ECE1: variants seen among roughly 807,000 people sequenced by gnomAD.
The protein encoded by ECE1 is endothelin converting enzyme 1.
A neutral mutation model predicts 98.6 loss-of-function variants in ECE1; 35 were observed. That is an observed-to-expected ratio of 0.35 (90% CI 0.27 to 0.47). The LOEUF is 0.47. Among genes scored for constraint, ECE1 ranks in the 20% least tolerant of loss-of-function variants. ECE1 has a pLI of 1.00. For missense variants in ECE1, 814 were observed against 1,025.3 expected, an observed-to-expected ratio of 0.79 and a Z score of 2.81; for synonymous variants, 394 against 407.1, an observed-to-expected ratio of 0.97 and a Z score of 0.39.
intron 17 of ECE1, among the ~76,000 whole-genome samples, chr1:21,224,451 G>A (rs889824002): frequency 5.3e-5 from 8 of 152,076 alleles, no homozygotes; most frequent in African/African-American, 1.9e-4. Context: ...TCATTGACTC[G>A]TGGACTTTAA....
chr1:21,306,080 T>C (rs993801833), intron 1 of ECE1, among the ~76,000 whole-genome samples: 2 of 152,228 alleles, frequency 1.3e-5, no homozygotes, highest in Non-Finnish European at 2.9e-5. Context: ...GGGATGTCAA[T>C]GTCATTGTCT....
intron 12 of ECE1, among the ~76,000 whole-genome samples, chr1:21,236,476 C>A (rs1037174589): frequency 6.6e-6 from 1 of 152,220 alleles, no homozygotes; most frequent in Non-Finnish European, 1.5e-5. Flanking sequence ...ATGGAGAAAC[C>A]CCATCTCTAC....
Position 21,236,813 on chromosome 1 carries a change from G to A in ECE1, c.1421C>T (p.Ala474Val). The change falls in exon 12 of 19, where the codon GCA (alanine) becomes GTA (valine). Residue 474 changes from alanine to valine, a missense_variant. Coordinates refer to ENST00000374893, the MANE Select transcript of ECE1 (RefSeq NM_001397.3). Reference protein sequence around the residue: ...ATEIILEIKKAFEESLSTLKW... With the variant: ...ATEIILEIKKVFEESLSTLKW... ...CAGGGTGCTCAGGCTTTCCTCAAAT[G>A]CCTTCTTAATCTCCAGGATGATCTC... 1 of 1,613,686 alleles carries A rather than the reference G, an allele frequency of 6.2e-7. No individual in the cohort carries two copies. The highest frequency in any genetic ancestry group is 8.5e-7 in the Non-Finnish European group (1 of 1,179,976).
At chr1:21,283,023 C>A (rs1402276238) in intron 2 of ECE1, among the ~76,000 whole-genome samples, 2 of 147,804 alleles carry the variant, frequency 1.4e-5, no homozygotes, top group Non-Finnish European at 3.0e-5. Flanking sequence ...CTCATTGCAA[C>A]CTTGGCCTCC....
chr1:21,303,899 C>T (rs1558423994), intron 1 of ECE1, among the ~76,000 whole-genome samples: 1 of 151,926 alleles, frequency 6.6e-6, no homozygotes, highest in Non-Finnish European at 1.5e-5. Context: ...GATCTGCCTG[C>T]CTCGACCTCC....
intron 10 of ECE1, among the ~76,000 whole-genome samples, chr1:21,244,783 T>C (rs3026891): frequency 1.3e-5 from 2 of 152,082 alleles, no homozygotes; most frequent in Admixed American, 1.3e-4. Context: ...AAGGGGAGCA[T>C]CTATCATCAC....
At chr1:21,279,593 T>A (rs560990469) in intron 2 of ECE1, 15 of 1,435,916 alleles carry the variant, frequency 1.0e-5, no homozygotes, top group Non-Finnish European at 1.4e-5. Context: ...TGTCACTCGA[T>A]ATGAGTGGAA....
chr1:21,279,438 G>A (rs2098251799), intron 2 of ECE1, 106 bp from the exon 3 acceptor site: 1 of 1,586,988 alleles, frequency 6.3e-7, no homozygotes, highest in Non-Finnish European at 8.6e-7. Flanking sequence ...GAGGCATCAG[G>A]GCTGCCTCCT....
Position 21,257,541 on chromosome 1 carries a change from T to C in ECE1, c.812A>G (p.Lys271Arg). ...GLPSRDYYLN[K>R]TENEKVLTGY... ...CACGCTTACCTTCTCGTTTTCAGTT[T>C]TGTTCAGGTAATAGTCTCTCGAGGG... Residue 271 changes from lysine (K) to arginine (R), a missense_variant, in exon 7 of 19, where the codon AAA becomes AGA. By Grantham distance (26) the Lys-to-Arg change is conservative. Coordinates refer to ENST00000374893, the MANE Select transcript of ECE1 (RefSeq NM_001397.3). 6.2e-7 allele frequency: 1 copy of C among 1,614,198 alleles called. No individual in the cohort carries two copies. The highest frequency in any genetic ancestry group is 8.5e-7 in the Non-Finnish European group (1 of 1,180,026).
At chr1:21,245,222 G>T (rs2098201782) in intron 9 of ECE1, 119 bp from the exon 10 acceptor site, 7 of 807,870 alleles carry the variant, frequency 8.7e-6, no homozygotes, top group South Asian at 1.4e-5. Context: ...GCCCCTTCCA[G>T]CCTGCGGGGG....
Position 21,319,347 on chromosome 1 carries a change from AATAATAATAATC to A in ECE1, c.3+26017_3+26028del, listed in dbSNP as rs1342652747. 2.0e-5 allele frequency among the ~76,000 whole-genome samples: 3 copies of A among 149,646 alleles called. No homozygotes were observed. The highest frequency in any genetic ancestry group is 4.9e-5 in the African/African-American group (2 of 40,480). On this transcript the variant is annotated intron_variant, in intron 1 of 18. Transcript: ENST00000415912. The surrounding 1 kb of genome is among the most constrained non-coding windows in gnomAD (Gnocchi z 4.4). ...GAGACAGAGCGAGACTCCGTCTCAAAATAATAATAATCATAATCATAATCATAATCATAATCA... is the reference window on the plus strand; with the variant it reads ...GAGACAGAGCGAGACTCCGTCTCAAAATAATCATAATCATAATCATAATCA...
chr1:21,280,761 G>A (rs558859023), intron 2 of ECE1, among the ~76,000 whole-genome samples: 63 of 152,288 alleles, frequency 4.1e-4, no homozygotes, highest in African/African-American at 1.5e-3. Context: ...AAGTGGGTCA[G>A]TTGAGGGAAG....
chr1:21,306,170 A>G (rs1638592673), intron 1 of ECE1, among the ~76,000 whole-genome samples: 1 of 152,234 alleles, frequency 6.6e-6, no homozygotes, highest in Non-Finnish European at 1.5e-5. Flanking sequence ...GCTTCCCACC[A>G]GGAATACATT....
At chr1:21,252,846 C>A (rs558136776) in intron 8 of ECE1, among the ~76,000 whole-genome samples, 13 of 152,186 alleles carry the variant, frequency 8.5e-5, no homozygotes, top group Admixed American at 3.3e-4. Flanking sequence ...TGGGTGACAT[C>A]GCTAATAACA....
chr1:21,330,948 G>C (rs979225706), intron 1 of ECE1, among the ~76,000 whole-genome samples: 7 of 152,172 alleles, frequency 4.6e-5, no homozygotes, highest in Non-Finnish European at 1.0e-4. Context: ...TAAGGACTAC[G>C]ACCAGCTGGG....
chr1:21,290,577 G>C, upstream of ECE1: 2 of 1,196,676 alleles, frequency 1.7e-6, no homozygotes, highest in Non-Finnish European at 2.1e-6. The surrounding 1 kb of genome is among the most constrained non-coding windows in gnomAD (Gnocchi z 7.3). Context: ...AGGCCCGGGG[G>C]AGATGGGGAC....
chr1:21,223,953 A>G (rs7550617), intron 17 of ECE1, among the ~76,000 whole-genome samples: 1 of 152,024 alleles, frequency 6.6e-6, no homozygotes, highest in African/African-American at 2.4e-5. Flanking sequence ...TTAAAACCCT[A>G]TATTGTGTCT....
chr1:21,228,644 C>G lies in ECE1; in HGVS notation c.1671-603G>C, dbSNP rs2098177575. On this transcript the variant is annotated intron_variant, in intron 14 of 18. Transcript: ENST00000374893. The stretch of plus-strand genomic sequence containing the variant: ...CTACCAAAAATACAAAAAAAATTAG[C>G]CAGGCGTGGTGGCGCACACTTGTAA... 2.0e-5 allele frequency among the ~76,000 whole-genome samples: 3 copies of G among 151,772 alleles called. No individual in the cohort carries two copies. The South Asian group carries it at 6.2e-4, about 32-fold the overall frequency.
At chr1:21,255,918 G>A (rs1446281935) in intron 8 of ECE1, 29 bp downstream of exon 8, 2 of 1,612,458 alleles carry the variant, frequency 1.2e-6, no homozygotes, top group South Asian at 1.1e-5. Context: ...GGCCATCCCA[G>A]CCTCCCTAGC....
Sources: gnomAD v4.1 joint callset for allele counts (sites outside exome capture counted in the v4.1 genomes callset) on GRCh38, gnomAD v4.1.1 for gene constraint, Gnocchi (gnomAD v3.1) non-coding constraint, MANE v1.5 for transcripts, NCBI Gene and HGNC (gene_info 2026-07-23, HGNC 2026-07-21) for gene names.